Variants in MCTP2 observed in about 807,000 individuals in gnomAD.
The protein encoded by MCTP2 is multiple C2 and transmembrane domain-containing protein 2.
MCTP2 carries 132 observed loss-of-function variants against 111.6 expected under a neutral mutation model. The ratio of observed to expected loss-of-function variants is 1.18; its 90% CI spans 1.03 to 1.37. MCTP2 has a LOEUF of 1.37. Among genes scored for constraint, MCTP2 ranks in the 40% most tolerant of loss-of-function variants. The pLI, the probability that MCTP2 is intolerant of heterozygous loss-of-function variation, is 0.00. For missense variants in MCTP2, 1,183 were observed against 1,067.9 expected (o/e 1.11, Z -1.50); for synonymous variants, 395 against 387.7 (o/e 1.02, Z -0.22).
At chr15:94,446,112 A>G (rs752233349) in intron 19 of MCTP2, among the ~76,000 whole-genome samples, 1 of 152,222 alleles carries the variant, frequency 6.6e-6, no homozygotes, top group African/African-American at 2.4e-5. Flanking sequence ...TGAAAAGTTC[A>G]TGGTAGTAAC....
intron 14 of MCTP2, among the ~76,000 whole-genome samples, chr15:94,390,749 G>A (rs28591311): frequency 0.22 from 28,466 of 128,530 alleles, 3,603 homozygotes; most frequent in African/African-American, 0.36. Context: ...TTTTTTTTTG[G>A]GATGGAGTCT....
At position 94,287,312 on chromosome 15, in the gene MCTP2, T is replaced by C. The variant is rs566940305; in HGVS notation, c.-65-10889T>C. Among the ~76,000 whole-genome samples, 41 of 152,234 alleles carry C rather than the reference T, an allele frequency of 2.7e-4. 3 individuals are homozygous for C. The South Asian group carries it at 6.8e-3, about 25-fold the overall frequency. ...TCTTTATACATGGTTGTTTATTTTGTTGTTTTATTCTGTATTTTATGCTGT... is the reference window on the plus strand; with the variant it reads ...TCTTTATACATGGTTGTTTATTTTGCTGTTTTATTCTGTATTTTATGCTGT... On this transcript the variant is annotated intron_variant, in intron 1 of 22. Transcript: ENST00000357742.
chr15:94,434,649 C>A (rs2152504400), intron 17 of MCTP2, among the ~76,000 whole-genome samples: 1 of 152,114 alleles, frequency 6.6e-6, no homozygotes, highest in Non-Finnish European at 1.5e-5. Flanking sequence ...ATTACATTGG[C>A]AACTTTCTTA....
intron 14 of MCTP2, among the ~76,000 whole-genome samples, chr15:94,393,661 C>A (rs2081116273): frequency 6.6e-6 from 1 of 152,112 alleles, no homozygotes; most frequent in Non-Finnish European, 1.5e-5. Flanking sequence ...AAAATACTGG[C>A]AGTATCTAAA....
At chr15:94,370,301 TAG>T (rs1222010131) in intron 12 of MCTP2, 121 bp downstream of exon 12, 3 of 660,206 alleles carry the variant, frequency 4.5e-6, no homozygotes, top group Admixed American at 3.6e-5. Flanking sequence ...CTCCTTCAAA[TAG>T]AGTCATAGCA....
At chr15:94,435,655 G>T (rs539726380) in intron 17 of MCTP2, among the ~76,000 whole-genome samples, 1 of 100,904 alleles carries the variant, frequency 9.9e-6, no homozygotes, top group Non-Finnish European at 2.1e-5. Flanking sequence ...TTTTTGAGAC[G>T]GAGTCTCGCT....
intron 22 of MCTP2, among the ~76,000 whole-genome samples, chr15:94,477,509 C>A (rs370276353): frequency 6.6e-6 from 1 of 152,146 alleles, no homozygotes; most frequent in Middle Eastern, 3.2e-3. Context: ...GGAGGGCAGG[C>A]GGCAGTTTCT....
chr15:94,362,839 G>T (rs145106881), intron 10 of MCTP2, among the ~76,000 whole-genome samples: 56 of 152,172 alleles, frequency 3.7e-4, no homozygotes, highest in Non-Finnish European at 6.8e-4. Context: ...ACATTAAAAC[G>T]CTGTGGGATT....
intron 12 of MCTP2, among the ~76,000 whole-genome samples, chr15:94,373,110 C>G (rs1353869296): frequency 6.6e-6 from 1 of 152,152 alleles, no homozygotes; most frequent in African/African-American, 2.4e-5. Context: ...ATGGTAAACT[C>G]TGTGGTCAGT....
chr15:94,399,004 AT>A lies in MCTP2; in HGVS notation c.1835del (p.Leu612Ter). 6.4e-7 allele frequency: 1 copy of A among 1,566,688 alleles called. No individual in the cohort carries two copies. The highest frequency in any genetic ancestry group is 8.8e-7 in the Non-Finnish European group (1 of 1,137,208). On this transcript the variant is annotated frameshift_variant, in exon 15 of 23. Transcript: ENST00000357742. LOFTEE classifies it high-confidence loss of function. ...QPNCYVLKNK[D>X]LEQAFKGVIY... ...AATTGTTATGTACTAAAGAATAAAGATTTAGAACAAGCTTTTAAAGGAGTTA... is the reference window on the plus strand; with the variant it reads ...AATTGTTATGTACTAAAGAATAAAGATTAGAACAAGCTTTTAAAGGAGTTA...
At chr15:94,383,294 A>G (rs2152454751) in intron 12 of MCTP2, among the ~76,000 whole-genome samples, 1 of 152,330 alleles carries the variant, frequency 6.6e-6, no homozygotes, top group East Asian at 1.9e-4. Flanking sequence ...GTTATAGAAT[A>G]GTAATTATGC....
intron 12 of MCTP2, among the ~76,000 whole-genome samples, chr15:94,375,269 A>G (rs1212599968): frequency 6.6e-6 from 1 of 152,166 alleles, no homozygotes; most frequent in African/African-American, 2.4e-5. Context: ...TGAAGGATCC[A>G]CACCTGTGAT....
intron 1 of MCTP2, among the ~76,000 whole-genome samples, chr15:94,236,866 T>A (rs1045852299): frequency 1.3e-5 from 2 of 152,004 alleles, no homozygotes; most frequent in African/African-American, 2.4e-5. Flanking sequence ...TTATTGGGCT[T>A]GATTAAGGCC....
intron 20 of MCTP2, among the ~76,000 whole-genome samples, chr15:94,459,213 G>A (rs964181009): frequency 2.0e-5 from 3 of 151,998 alleles, no homozygotes; most frequent in South Asian, 4.2e-4. Context: ...TCGTGTCTAC[G>A]GGGATCATTC....
Position 94,440,292 on chromosome 15 carries a change from C to T in MCTP2, c.2202C>T (p.Asp734=), listed in dbSNP as rs1304927775. 1 of 1,613,766 alleles carries T rather than the reference C, an allele frequency of 6.2e-7. No individual in the cohort carries two copies. The highest frequency in any genetic ancestry group is 1.7e-5 in the Admixed American group (1 of 59,956). The change falls in exon 18 of 23, where the codon GAC becomes GAT. Residue 734 remains aspartate (D), a synonymous_variant. Coordinates refer to ENST00000357742, the MANE Select transcript of MCTP2 (RefSeq NM_001385001.1). ...PVKGKVSSIQ[D]SQESTDIDDE... ...AAGGCAAGGTCAGCAGCATCCAGGA[C>T]AGCCAGGTAAGCAAGGATTCGGAGT...
intron 17 of MCTP2, among the ~76,000 whole-genome samples, chr15:94,414,229 T>A (rs2082277976): frequency 6.6e-6 from 1 of 152,168 alleles, no homozygotes; most frequent in African/African-American, 2.4e-5. Flanking sequence ...AAACCAGTAA[T>A]GTCTTATATG....
intron 4 of MCTP2, among the ~76,000 whole-genome samples, chr15:94,331,261 A>G (rs1250731075): frequency 1.3e-5 from 2 of 152,274 alleles, no homozygotes; most frequent in Non-Finnish European, 2.9e-5. Context: ...TTGATGGGTT[A>G]TAAAGACAAA....
chr15:94,380,537 G>T (rs564588092), intron 12 of MCTP2, among the ~76,000 whole-genome samples: 1 of 152,304 alleles, frequency 6.6e-6, no homozygotes, highest in East Asian at 1.9e-4. Flanking sequence ...GGAGGCTGAG[G>T]TGGGTGGATC....
chr15:94,273,096 G>T (rs10152399), intron 1 of MCTP2, among the ~76,000 whole-genome samples: 5,174 of 152,270 alleles, frequency 0.034, 293 homozygotes, highest in African/African-American at 0.12. Flanking sequence ...GGACTCAATA[G>T]TGACATACCG....
Sources: gnomAD v4.1 joint callset for allele counts (sites outside exome capture counted in the v4.1 genomes callset) on GRCh38, gnomAD v4.1.1 for gene constraint, MANE v1.5 for transcripts, NCBI Gene and HGNC (gene_info 2026-07-23, HGNC 2026-07-21) for gene names.